ENC1: variants seen among roughly 807,000 people sequenced by gnomAD.
ENC1 encodes ectodermal-neural cortex 1, also known as ectoderm-neural cortex protein 1.
A neutral mutation model predicts 40.9 loss-of-function variants in ENC1; 19 were observed. The observed-to-expected ratio is 0.46, with a 90% CI of 0.32 to 0.68. The LOEUF is 0.68. Ranked by LOEUF, ENC1 falls within the 30% of genes least tolerant of loss-of-function variation. The probability of loss-of-function intolerance (pLI) is 0.03; values close to 1 mark genes in which losing one functional copy is unlikely to be tolerated. For synonymous variants in ENC1, 285 were observed against 291.1 expected, an observed-to-expected ratio of 0.98 and a Z score of 0.21; for missense variants, 479 against 737.5, an observed-to-expected ratio of 0.65 and a Z score of 4.06.
Position 74,635,678 on chromosome 5 carries a change from T to C in ENC1, c.808A>G (p.Ile270Val). 1 of 1,614,198 alleles carries C rather than the reference T, an allele frequency of 6.2e-7. No individual in the cohort carries two copies. The change falls in exon 2 of 3, where the codon ATC becomes GTC. Residue 270 changes from isoleucine (I) to valine (V), a missense_variant. Coordinates refer to ENST00000302351, the MANE Select transcript of ENC1 (RefSeq NM_003633.4). This position sits in a 1 kb window ranked among gnomAD's most constrained non-coding sequence, Gnocchi z 5.5. ...TGCAGGATTTTCAGTTTGCACCTGA[T>C]GGCCTCTTCCACAATTTCCTTACTC... ...RKSKEIVEEA[I>V]RCKLKILQND...
In ENC1 at chr5:74,635,579, G is replaced by A. The variant is rs1335078089; in HGVS notation, c.907C>T (p.Gln303Ter). The change falls in exon 2 of 3, where the codon CAG (glutamine) becomes TAG (stop). Residue 303 changes from glutamine to a stop codon, truncating the protein, a stop_gained. Coordinates refer to ENST00000302351, the MANE Select transcript of ENC1 (RefSeq NM_003633.4). LOFTEE classifies it high-confidence loss of function. This position sits in a 1 kb window ranked among gnomAD's most constrained non-coding sequence, Gnocchi z 5.5. ...TACAACTTGTCACACATGAAAGTCT[G>A]TCCTCCCAGAAGGAAGAGGGCATGG... is the stretch of plus-strand genomic sequence containing the variant. ...TGHALFLLGGQTFMCDKLYLV... is the reference protein window; with the variant it reads ...TGHALFLLGG The A allele has an allele frequency of 6.2e-7, 1 of 1,614,232 alleles. No individual in the cohort carries two copies. Among genetic ancestry groups the A allele is most frequent in the Admixed American group, 1.7e-5 (1 of 60,034 alleles).
At position 74,636,201 on chromosome 5, in the gene ENC1, T is replaced by C; in HGVS notation, c.285A>G (p.Pro95=). 6.2e-7 allele frequency: 1 copy of C among 1,614,190 alleles called. No homozygotes were observed. Among genetic ancestry groups the C allele is most frequent in the Non-Finnish European group, 8.5e-7 (1 of 1,180,032 alleles). The change falls in exon 2 of 3, where the codon CCA becomes CCG. Residue 95 remains proline (P), a synonymous_variant. Coordinates refer to ENST00000302351, the MANE Select transcript of ENC1 (RefSeq NM_003633.4). This position sits in a 1 kb window ranked among gnomAD's most constrained non-coding sequence, Gnocchi z 4.8. ...SEVNFDNSIH[P]EVLELLLDYA... Reference sequence around the variant, plus strand: ...AGTCAAGCAGCAGCTCCAAGACTTCTGGGTGGATGGAATTGTCAAAGTTGA... The same window carrying C: ...AGTCAAGCAGCAGCTCCAAGACTTCCGGGTGGATGGAATTGTCAAAGTTGA...
intron 1 of ENC1, among the ~76,000 whole-genome samples, chr5:74,638,557 G>A (rs1747696621): frequency 1.3e-5 from 2 of 152,194 alleles, no homozygotes; most frequent in Non-Finnish European, 2.9e-5. Flanking sequence ...CCCACCTCAA[G>A]CTAAGCATCT....
chr5:74,634,498 C>T (rs916896122), intron 2 of ENC1, among the ~76,000 whole-genome samples, 186 bp downstream of exon 2: 1 of 152,124 alleles, frequency 6.6e-6, no homozygotes, highest in Non-Finnish European at 1.5e-5. Context: ...TGGCTAATGC[C>T]ATGGTGGGGG....
chr5:74,629,423 A>C lies in ENC1; in HGVS notation c.*602T>G, dbSNP rs1026526136. 3 of 152,264 alleles carry C rather than the reference A, an allele frequency of 2.0e-5. No individual in the cohort carries two copies. Among genetic ancestry groups the C allele is most frequent in the Non-Finnish European group, 4.4e-5 (3 of 68,044 alleles). The allele number at this position is 152,264 out of a possible 1,614,324, so 9.4% of individuals were successfully genotyped here. ...TAAAGTCACTTATAAATAGAAAAGA[A>C]CATCTACCAAATGGCTACCAACAAA... is the stretch of plus-strand genomic sequence containing the variant. On this transcript the variant is annotated 3_prime_UTR_variant, in exon 3 of 3. Transcript: ENST00000302351.
At chr5:74,634,498 C>G (rs916896122) in intron 2 of ENC1, among the ~76,000 whole-genome samples, 186 bp downstream of exon 2, 3 of 152,124 alleles carry the variant, frequency 2.0e-5, no homozygotes, top group Non-Finnish European at 2.9e-5. Flanking sequence ...TGGCTAATGC[C>G]ATGGTGGGGG....
chr5:74,635,499 T>C lies in ENC1; in HGVS notation c.987A>G (p.Pro329=), dbSNP rs770626082. The change falls in exon 2 of 3, where the codon CCA becomes CCG. Residue 329 remains proline, a synonymous_variant. Transcript: ENST00000302351. This position sits in a 1 kb window ranked among gnomAD's most constrained non-coding sequence, Gnocchi z 5.5. Reference sequence around the variant, plus strand: ...TCGCACATGCACTAAACTCTTTTCTTGGGCTGGGAATGTCAGCCTTGGGAA... The same window carrying C: ...TCGCACATGCACTAAACTCTTTTCTCGGGCTGGGAATGTCAGCCTTGGGAA... The part of the protein sequence containing the change: ...EIIPKADIPS[P]RKEFSACAIG... 4 of 1,614,248 alleles carry C rather than the reference T, an allele frequency of 2.5e-6. No homozygotes were observed. Among genetic ancestry groups the C allele is most frequent in the Middle Eastern group, 1.6e-4 (1 of 6,062 alleles).
At chr5:74,631,454 C>G (rs1282422427) in intron 2 of ENC1, among the ~76,000 whole-genome samples, 1 of 152,138 alleles carries the variant, frequency 6.6e-6, no homozygotes, top group Non-Finnish European at 1.5e-5. Context: ...GGACTGAGAC[C>G]CACCTACCCA....
At chr5:74,631,466 C>T (rs1240560672) in intron 2 of ENC1, among the ~76,000 whole-genome samples, 1 of 152,192 alleles carries the variant, frequency 6.6e-6, no homozygotes, top group Non-Finnish European at 1.5e-5. Context: ...ACCTACCCAG[C>T]ACTTTAAGGC....
chr5:74,633,785 T>C (rs1181952059), intron 2 of ENC1, among the ~76,000 whole-genome samples: 2 of 151,350 alleles, frequency 1.3e-5, no homozygotes, highest in Non-Finnish European at 2.9e-5. Context: ...CTGCATTGAC[T>C]TCCTAACCAG....
At chr5:74,637,898 C>T (rs1747662288) in intron 1 of ENC1, among the ~76,000 whole-genome samples, 1 of 152,036 alleles carries the variant, frequency 6.6e-6, no homozygotes, top group Admixed American at 6.6e-5. Flanking sequence ...CTAATGCTAT[C>T]TTTTGGTTTT....
Position 74,636,670 on chromosome 5 carries a change from C to A in ENC1, c.-13-172G>T, listed in dbSNP as rs543930122. Among the ~76,000 whole-genome samples, 1 of 151,776 alleles carries A rather than the reference C, an allele frequency of 6.6e-6. No individual in the cohort carries two copies. The highest frequency in any genetic ancestry group is 1.5e-5 in the Non-Finnish European group (1 of 67,978). On this transcript the variant is annotated intron_variant, in intron 1 of 2. Transcript: ENST00000302351. The surrounding 1 kb of genome is among the most constrained non-coding windows in gnomAD (Gnocchi z 4.8). ...CAGGACAAAGCCAGAGACAACTACCCGGAAGGAAGGATATTCACTGCTAAT... is the reference window on the plus strand; with the variant it reads ...CAGGACAAAGCCAGAGACAACTACCAGGAAGGAAGGATATTCACTGCTAAT...
At position 74,635,067 on chromosome 5, in the gene ENC1, A is replaced by C. The variant is rs1282235286; in HGVS notation, c.1419T>G (p.Thr473=). The change falls in exon 2 of 3, where the codon ACT becomes ACG. Residue 473 remains threonine (T), a synonymous_variant. Coordinates refer to ENST00000302351, the MANE Select transcript of ENC1 (RefSeq NM_003633.4). The surrounding 1 kb of genome is among the most constrained non-coding windows in gnomAD (Gnocchi z 5.5). ...AGGGCTGGGGACAGGTGGCCGGTACAGTCCACCTGTTTTCACACTGATCGT... is the reference window on the plus strand; with the variant it reads ...AGGGCTGGGGACAGGTGGCCGGTACCGTCCACCTGTTTTCACACTGATCGT... ...QCYDQCENRW[T]VPATCPQPWR... 5 of 1,613,974 alleles carry C rather than the reference A, an allele frequency of 3.1e-6. No individual in the cohort carries two copies. The highest frequency in any genetic ancestry group is 1.7e-5 in the Admixed American group (1 of 60,030).
rs1366390759 is a variant in ENC1, at chr5:74,627,853, A to G, written c.*2172T>C. On this transcript the variant is annotated 3_prime_UTR_variant, in exon 3 of 3. Coordinates refer to ENST00000302351, the MANE Select transcript of ENC1 (RefSeq NM_003633.4). ...TGAGACCAAATGCCTATATCGATTCAAAGAGTGGGAGTCCAGAAAGTTCCC... is the reference window on the plus strand; with the variant it reads ...TGAGACCAAATGCCTATATCGATTCGAAGAGTGGGAGTCCAGAAAGTTCCC... The G allele has an allele frequency of 6.5e-6, 1 of 152,708 alleles. No individual in the cohort carries two copies. Among genetic ancestry groups the G allele is most frequent in the Non-Finnish European group, 1.5e-5 (1 of 68,086 alleles). The allele number at this position is 152,708 out of a possible 1,614,324, so 9.5% of individuals were successfully genotyped here.
Position 74,627,756 on chromosome 5 carries a change from G to C in ENC1, c.*2269C>G, listed in dbSNP as rs1747251041. 2 of 152,668 alleles carry C rather than the reference G, an allele frequency of 1.3e-5. No individual in the cohort carries two copies. The highest frequency in any genetic ancestry group is 2.1e-4 in the South Asian group (1 of 4,834). 9.5% of individuals were successfully genotyped at this position (152,668 alleles called of 1,614,324 possible). On this transcript the variant is annotated 3_prime_UTR_variant, in exon 3 of 3. Coordinates refer to ENST00000302351, the MANE Select transcript of ENC1 (RefSeq NM_003633.4). ...TTCTCTGTCTTATGCCAAGGTTTTT[G>C]TGTGTACTGTGCTGTGAATTGTATT...
In ENC1 at chr5:74,636,383, G is replaced by A; in HGVS notation, c.103C>T (p.His35Tyr). 4 of 1,614,174 alleles carry A rather than the reference G, an allele frequency of 2.5e-6. No individual in the cohort carries two copies. Among genetic ancestry groups the A allele is most frequent in the Middle Eastern group, 1.7e-4 (1 of 6,060 alleles). Residue 35 changes from histidine to tyrosine, a missense_variant, in exon 2 of 3, where the codon CAC becomes TAC. His to Tyr is a moderately conservative substitution (Grantham distance 83). Coordinates refer to ENST00000302351, the MANE Select transcript of ENC1 (RefSeq NM_003633.4). This position sits in a 1 kb window ranked among gnomAD's most constrained non-coding sequence, Gnocchi z 4.8. ...CGCTGCTGGCGTAAAAGATTCAGGT[G>A]AGTGAGGACGCTGTCAGCGTAGGAG... ...KSSYADSVLT[H>Y]LNLLRQQRLF...
Position 74,627,456 on chromosome 5 carries a change from G to GA in ENC1, c.*2568dup, listed in dbSNP as rs10677661. On this transcript the variant is annotated 3_prime_UTR_variant, in exon 3 of 3. Transcript: ENST00000302351. ...TTATTGACCTTCAGTTTCACATTGT[G>GA]AAAAAAAAAAAAATAACAGTTTTAC... is the stretch of plus-strand genomic sequence containing the variant. 22,472 of 141,058 alleles carry GA rather than the reference G, an allele frequency of 0.16. 1,940 individuals are homozygous for GA. Among genetic ancestry groups the GA allele is most frequent in the African/African-American group, 0.26 (10,145 of 38,828 alleles). 8.7% of individuals were successfully genotyped at this position (141,058 alleles called of 1,614,324 possible).
intron 1 of ENC1, among the ~76,000 whole-genome samples, chr5:74,637,330 C>G (rs893279410): frequency 6.6e-6 from 1 of 152,092 alleles, no homozygotes; most frequent in Non-Finnish European, 1.5e-5. Flanking sequence ...CTGGCCTCAC[C>G]TGATCCTCCC....
In ENC1 at chr5:74,627,761, T is replaced by A. The variant is rs575090517; in HGVS notation, c.*2264A>T. On this transcript the variant is annotated 3_prime_UTR_variant, in exon 3 of 3. Transcript: ENST00000302351. ...TGTCTTATGCCAAGGTTTTTGTGTG[T>A]ACTGTGCTGTGAATTGTATTTGCTT... 1 of 152,792 alleles carries A rather than the reference T, an allele frequency of 6.5e-6. No homozygotes were observed. Among genetic ancestry groups the A allele is most frequent in the South Asian group, 2.1e-4 (1 of 4,828 alleles). The allele number at this position is 152,792 out of a possible 1,614,324, so 9.5% of individuals were successfully genotyped here.
Sources: allele counts gnomAD v4.1 joint callset (sites outside exome capture counted in the v4.1 genomes callset), GRCh38; gene constraint gnomAD v4.1.1; non-coding constraint Gnocchi (gnomAD v3.1); transcripts MANE v1.5; gene names NCBI Gene and HGNC (gene_info 2026-07-23, HGNC 2026-07-21).